TGFB1: variants seen among roughly 807,000 people sequenced by gnomAD.
TGFB1 encodes the protein transforming growth factor beta 1.
TGFB1 carries 19 observed loss-of-function variants against 43.8 expected under a neutral mutation model. The ratio of observed to expected loss-of-function variants is 0.43; its 90% CI spans 0.30 to 0.64. The LOEUF (loss-of-function observed/expected upper bound fraction) is 0.64. TGFB1 is among the 30% of genes least tolerant of loss of function. The pLI, the probability that TGFB1 is intolerant of heterozygous loss-of-function variation, is 0.11. For missense variants in TGFB1, 445 were observed against 529.8 expected, an observed-to-expected ratio of 0.84 and a Z score of 1.57; for synonymous variants, 221 against 236.3, an observed-to-expected ratio of 0.94 and a Z score of 0.60.
At chr19:41,341,719 T>A (rs1360478168) in intron 5 of TGFB1, among the ~76,000 whole-genome samples, 164 bp downstream of exon 5, 1 of 152,098 alleles carries the variant, frequency 6.6e-6, no homozygotes, top group East Asian at 1.9e-4. Context: ...ACAAGACTCC[T>A]GGTTCTTACA....
intron 5 of TGFB1, among the ~76,000 whole-genome samples, chr19:41,334,816 C>T (rs942675106): frequency 3.3e-5 from 5 of 151,114 alleles, no homozygotes; most frequent in Non-Finnish European, 5.9e-5. Context: ...CCCGTACCAC[C>T]CAATTTGGTT....
At position 41,341,058 on chromosome 19, in the gene TGFB1, G is replaced by A. The variant is rs182192389; in HGVS notation, c.860+825C>T. 3.7e-4 allele frequency among the ~76,000 whole-genome samples: 57 copies of A among 152,290 alleles called. 1 individual carries two copies. Among genetic ancestry groups the A allele is most frequent in the African/African-American group, 9.4e-4 (39 of 41,562 alleles). On this transcript the variant is annotated intron_variant, in intron 5 of 6. Coordinates refer to ENST00000221930, the MANE Select transcript of TGFB1 (RefSeq NM_000660.7). ...CTCCAGCAAGAAAGCAAGGCTGGGCGTGGTGGCTCACACCTGTAATCCCAG... is the reference window on the plus strand; with the variant it reads ...CTCCAGCAAGAAAGCAAGGCTGGGCATGGTGGCTCACACCTGTAATCCCAG...
At chr19:41,332,048 C>T (rs1443472174) in intron 6 of TGFB1, 80 bp downstream of exon 6, 1 of 1,547,602 alleles carries the variant, frequency 6.5e-7, no homozygotes, top group Non-Finnish European at 8.8e-7. Flanking sequence ...ACCTCTCTGA[C>T]TTTACTTCTC....
At chr19:41,342,944 G>A (rs996106264) in intron 3 of TGFB1, among the ~76,000 whole-genome samples, 5 of 151,940 alleles carry the variant, frequency 3.3e-5, no homozygotes, top group Admixed American at 6.6e-5. Context: ...ACTGCACCCA[G>A]CCAGCATCAA....
chr19:41,339,555 T>G (rs2038028957), intron 5 of TGFB1, among the ~76,000 whole-genome samples: 3 of 151,058 alleles, frequency 2.0e-5, no homozygotes, highest in Non-Finnish European at 4.4e-5. Flanking sequence ...CCGGGCGCAG[T>G]GGTTCATGCC....
rs200134934 is a variant in TGFB1 at position 41,342,133 on chromosome 19, C to T, written c.712+37G>A. Reference sequence around the variant, plus strand: ...AGATGGGAACACACACACGCACACACGTCACAACTGGGCATGGCCGGGGAA... The same window carrying T: ...AGATGGGAACACACACACGCACACATGTCACAACTGGGCATGGCCGGGGAA... On this transcript the variant is annotated intron_variant, in intron 4 of 6. Coordinates refer to ENST00000221930, the MANE Select transcript of TGFB1 (RefSeq NM_000660.7). 68 of 1,611,506 alleles carry T rather than the reference C, an allele frequency of 4.2e-5. No individual in the cohort carries two copies. The East Asian group carries it at 1.1e-3, about 27-fold the overall frequency.
At chr19:41,348,212 C>G in intron 2 of TGFB1, 83 bp downstream of exon 2, 1 of 1,551,596 alleles carries the variant, frequency 6.4e-7, no homozygotes, top group South Asian at 1.1e-5. Flanking sequence ...ACCTTGTAAC[C>G]AGCCGACCCA....
At chr19:41,332,944 CTT>C (rs763013613) in intron 5 of TGFB1, among the ~76,000 whole-genome samples, 8 of 152,114 alleles carry the variant, frequency 5.3e-5, no homozygotes, top group Admixed American at 2.0e-4. Flanking sequence ...TATAAATTGT[CTT>C]GTCACTCCTC....
intron 1 of TGFB1, among the ~76,000 whole-genome samples, chr19:41,349,670 T>C (rs1261376679): frequency 2.0e-5 from 3 of 152,070 alleles, no homozygotes; most frequent in African/African-American, 7.2e-5. Flanking sequence ...GGCATGAGAA[T>C]CGCTTGAACC....
At chr19:41,339,860 G>C (rs2038034406) in intron 5 of TGFB1, among the ~76,000 whole-genome samples, 1 of 152,094 alleles carries the variant, frequency 6.6e-6, no homozygotes, top group Non-Finnish European at 1.5e-5. Flanking sequence ...CAGCGTTGCT[G>C]GGCTGATGGC....
chr19:41,333,201 T>A (rs1320305128), intron 5 of TGFB1, among the ~76,000 whole-genome samples: 2 of 142,452 alleles, frequency 1.4e-5, no homozygotes, highest in Non-Finnish European at 1.5e-5. Flanking sequence ...TTTCTTCTTT[T>A]TTTTTCTATT....
chr19:41,347,316 C>A (rs2038127059), intron 2 of TGFB1, among the ~76,000 whole-genome samples: 2 of 152,288 alleles, frequency 1.3e-5, no homozygotes, highest in South Asian at 2.1e-4. Flanking sequence ...AGCCACTATG[C>A]CTGGCCCTAA....
chr19:41,332,623 T>C (rs550605946), intron 5 of TGFB1, among the ~76,000 whole-genome samples: 16 of 152,344 alleles, frequency 1.1e-4, no homozygotes, highest in African/African-American at 3.8e-4. Context: ...CCATGTAAAC[T>C]GATCTGCTCT....
chr19:41,337,205 G>A (rs1340606603), intron 5 of TGFB1, among the ~76,000 whole-genome samples: 3 of 151,948 alleles, frequency 2.0e-5, no homozygotes, highest in Admixed American at 6.6e-5. Context: ...GCAATGGCGC[G>A]ACCTCGGCTC....
At position 41,353,125 on chromosome 19, in the gene TGFB1, G is replaced by A. The variant is rs903659086; in HGVS notation, c.-81C>T. ...GGGAGGCCCCGCCCCTGCAGGGGCT[G>A]GGGGTCTCCCGGCAAAAGGTAGGAG... On this transcript the variant is annotated 5_prime_UTR_variant, in exon 1 of 7. Transcript: ENST00000221930. This position sits in a 1 kb window ranked among gnomAD's most constrained non-coding sequence, Gnocchi z 5.9. The A allele has an allele frequency of 7.1e-6, 10 of 1,418,082 alleles. No homozygotes were observed. In the Admixed American group the frequency reaches 8.9e-5, roughly 13 times the overall value. 87.8% of individuals were successfully genotyped at this position (1,418,082 alleles called of 1,614,324 possible).
chr19:41,343,413 C>T (rs775410149), intron 3 of TGFB1, among the ~76,000 whole-genome samples: 11 of 152,164 alleles, frequency 7.2e-5, no homozygotes, highest in African/African-American at 1.4e-4. Context: ...GGATTACAGG[C>T]GTGAGCCACC....
At chr19:41,349,228 C>T (rs1013605644) in intron 1 of TGFB1, among the ~76,000 whole-genome samples, 17 of 152,176 alleles carry the variant, frequency 1.1e-4, no homozygotes, top group African/African-American at 3.9e-4. Context: ...ATGTCAGTTT[C>T]CTGTTATTCT....
At chr19:41,339,876 GAT>G (rs1216240882) in intron 5 of TGFB1, among the ~76,000 whole-genome samples, 1 of 152,148 alleles carries the variant, frequency 6.6e-6, no homozygotes, top group African/African-American at 2.4e-5. Flanking sequence ...ATGGCGCTAA[GAT>G]CTGGTGGTGA....
chr19:41,351,790 C>CGA (rs2038199677), intron 1 of TGFB1, among the ~76,000 whole-genome samples: 1 of 70,728 alleles, frequency 1.4e-5, no homozygotes, highest in Admixed American at 1.2e-4. Context: ...CATTCCCCTG[C>CGA]ATCCTGCGGG....
Sources: allele counts gnomAD v4.1 joint callset (sites outside exome capture counted in the v4.1 genomes callset), GRCh38; gene constraint gnomAD v4.1.1; non-coding constraint Gnocchi (gnomAD v3.1); transcripts MANE v1.5; gene names NCBI Gene and HGNC (gene_info 2026-07-23, HGNC 2026-07-21).